Variants in EPC1 observed in about 807,000 individuals in gnomAD.
EPC1 encodes the protein enhancer of polycomb 1, also known as enhancer of polycomb homolog 1.
EPC1 carries 12 observed loss-of-function variants against 98.4 expected under a neutral mutation model. The observed-to-expected ratio is 0.12, with a 90% CI of 0.08 to 0.20. The LOEUF is 0.20. Among genes scored for constraint, EPC1 ranks in the 10% least tolerant of loss-of-function variants. EPC1 has a pLI of 1.00. For missense variants in EPC1, 729 were observed against 990.5 expected (o/e 0.74, Z 3.54); for synonymous variants, 357 against 363.9 (o/e 0.98, Z 0.21).
At chr10:32,355,785 A>G (rs1378228243) in intron 1 of EPC1, among the ~76,000 whole-genome samples, 1 of 151,808 alleles carries the variant, frequency 6.6e-6, no homozygotes, top group Non-Finnish European at 1.5e-5. Flanking sequence ...TAATTTTTGT[A>G]TTTTTAGTAG....
chr10:32,352,927 G>A (rs763080389), intron 1 of EPC1, among the ~76,000 whole-genome samples: 27 of 152,188 alleles, frequency 1.8e-4, no homozygotes, highest in Middle Eastern at 6.8e-3. Flanking sequence ...AGGCTGAAGC[G>A]GACAGATTAC....
chr10:32,273,578 T>C (rs1188930518), intron 10 of EPC1, among the ~76,000 whole-genome samples: 3 of 152,084 alleles, frequency 2.0e-5, no homozygotes, highest in Non-Finnish European at 4.4e-5. Context: ...GCTGTGACAC[T>C]TGTTCTACAC....
intron 10 of EPC1, among the ~76,000 whole-genome samples, chr10:32,280,407 C>T (rs929855345): frequency 6.6e-6 from 1 of 151,900 alleles, no homozygotes; most frequent in Admixed American, 6.6e-5. Flanking sequence ...AGTGAGATCA[C>T]GCCATGGCAC....
chr10:32,306,345 A>C (rs1835875558), intron 1 of EPC1, among the ~76,000 whole-genome samples: 1 of 152,236 alleles, frequency 6.6e-6, no homozygotes, highest in African/African-American at 2.4e-5. Context: ...ATAAATTTAG[A>C]AGGTATTTGA....
At chr10:32,332,813 G>T (rs1471127004) in intron 1 of EPC1, among the ~76,000 whole-genome samples, 1 of 152,180 alleles carries the variant, frequency 6.6e-6, no homozygotes, top group African/African-American at 2.4e-5. Context: ...GTTGATACTG[G>T]GAGTCCTCAC....
intron 1 of EPC1, among the ~76,000 whole-genome samples, chr10:32,328,377 GA>G (rs1403454010): frequency 6.6e-6 from 1 of 152,232 alleles, no homozygotes; most frequent in Non-Finnish European, 1.5e-5. Context: ...ACTGGCATAT[GA>G]GCTGAATGGA....
chr10:32,307,437 C>T (rs1280533545), intron 1 of EPC1, among the ~76,000 whole-genome samples: 1 of 152,062 alleles, frequency 6.6e-6, no homozygotes, highest in African/African-American at 2.4e-5. Flanking sequence ...AACTCTTTGC[C>T]CTTCTTGTTA....
At chr10:32,351,374 C>T (rs1839103770), upstream of EPC1, among the ~76,000 whole-genome samples, 2 of 152,068 alleles carry the variant, frequency 1.3e-5, no homozygotes, top group Non-Finnish European at 2.9e-5. Context: ...ATCAGCATGT[C>T]GGCTGGGTGC....
chr10:32,377,693 CT>C (rs1174733843), intron 1 of EPC1, among the ~76,000 whole-genome samples: 3 of 151,332 alleles, frequency 2.0e-5, no homozygotes, highest in Non-Finnish European at 4.4e-5. Flanking sequence ...TGCCCCACCT[CT>C]TTTTTTTTCT....
intron 2 of EPC1, among the ~76,000 whole-genome samples, chr10:32,296,315 G>A (rs1362292602): frequency 5.3e-5 from 8 of 152,046 alleles, no homozygotes; most frequent in Admixed American, 1.3e-4. Flanking sequence ...TCTTTAGATC[G>A]TATCACATGT....
chr10:32,326,034 C>T (rs903404380), intron 1 of EPC1, among the ~76,000 whole-genome samples: 96 of 152,258 alleles, frequency 6.3e-4, no homozygotes, highest in Non-Finnish European at 2.1e-4. Flanking sequence ...ACAGATGAAA[C>T]ATGGCTTGAT....
intron 1 of EPC1, among the ~76,000 whole-genome samples, chr10:32,360,818 C>T (rs555773165): frequency 1.8e-3 from 269 of 151,568 alleles, no homozygotes; most frequent in Non-Finnish European, 3.4e-3. Flanking sequence ...TGCTTGAACC[C>T]AGGAGGCGAA....
chr10:32,315,365 T>C lies in EPC1; in HGVS notation c.154-9434A>G, dbSNP rs182790439. On this transcript the variant is annotated intron_variant, in intron 1 of 13. Coordinates refer to ENST00000319778, the MANE Select transcript of EPC1 (RefSeq NM_001272004.3). ...AAAAGAGCTATTCAAGGTTATATTA[T>C]GCAGATTCCTAAACAAAGATTAAAT... Among the ~76,000 whole-genome samples the C allele has an allele frequency of 9.4e-4, 143 of 152,370 alleles. 2 individuals are homozygous for C. Among genetic ancestry groups the C allele is most frequent in the Non-Finnish European group, 3.8e-4 (26 of 68,032 alleles).
intron 4 of EPC1, 51 bp downstream of exon 4, chr10:32,292,937 T>C: frequency 8.3e-7 from 1 of 1,198,692 alleles, no homozygotes; most frequent in Non-Finnish European, 1.1e-6. Flanking sequence ...GTCATAACTA[T>C]AAATAATTTT....
At chr10:32,299,336 C>T (rs541974281) in intron 2 of EPC1, among the ~76,000 whole-genome samples, 1 of 152,174 alleles carries the variant, frequency 6.6e-6, no homozygotes, top group African/African-American at 2.4e-5. Flanking sequence ...CAGGCGCTTG[C>T]CACCATGCCA....
rs1361755068 is a variant in EPC1 at position 32,278,547 on chromosome 10, A to C, written c.1745-5266T>G. Among the ~76,000 whole-genome samples, 8 of 148,902 alleles carry C rather than the reference A, an allele frequency of 5.4e-5. 1 individual carries two copies. Among genetic ancestry groups the C allele is most frequent in the Admixed American group, 2.0e-4 (3 of 14,908 alleles). On this transcript the variant is annotated intron_variant, in intron 10 of 13. Coordinates refer to ENST00000319778, the MANE Select transcript of EPC1 (RefSeq NM_001272004.3). Reference sequence around the variant, plus strand: ...CAGGCGCCCGCCACTACGCCCGTCTAATTTTTTGTATTTTTAGTAGAGACG... The same window carrying C: ...CAGGCGCCCGCCACTACGCCCGTCTCATTTTTTGTATTTTTAGTAGAGACG...
Position 32,346,932 on chromosome 10 carries a change from A to G in EPC1, c.-17T>C. The G allele has an allele frequency of 6.2e-7, 1 of 1,611,592 alleles. No individual in the cohort carries two copies. Reference sequence around the variant, plus strand: ...TTTACTCATCTCAGGCGCAGCAGATACCTCTCCGCTCTGGGGAAACGGCCC... The same window carrying G: ...TTTACTCATCTCAGGCGCAGCAGATGCCTCTCCGCTCTGGGGAAACGGCCC... On this transcript the variant is annotated 5_prime_UTR_variant, in exon 1 of 14. Transcript: ENST00000319778.
intron 1 of EPC1, 194 bp downstream of exon 1, chr10:32,346,569 G>A (rs1286746540): frequency 3.4e-5 from 21 of 609,916 alleles, no homozygotes; most frequent in South Asian, 7.9e-5. Flanking sequence ...GGTGGCCTTA[G>A]AAGGGGCCCC....
intron 1 of EPC1, among the ~76,000 whole-genome samples, chr10:32,328,608 A>G (rs956493134): frequency 8.5e-5 from 13 of 152,196 alleles, no homozygotes; most frequent in Admixed American, 8.5e-4. Context: ...AATCTCCTAG[A>G]TATCAGTGCC....
Sources: allele counts gnomAD v4.1 joint callset (sites outside exome capture counted in the v4.1 genomes callset), GRCh38; gene constraint gnomAD v4.1.1; transcripts MANE v1.5; gene names NCBI Gene and HGNC (gene_info 2026-07-23, HGNC 2026-07-21).